The following PRSS12 variants were observed in gnomAD, a reference collection of about 807,000 sequenced individuals.
The protein encoded by PRSS12 is neurotrypsin.
A neutral mutation model predicts 104.4 loss-of-function variants in PRSS12; 85 were observed. The ratio of observed to expected loss-of-function variants is 0.81; its 90% CI spans 0.68 to 0.98. The LOEUF (loss-of-function observed/expected upper bound fraction) is 0.98, where lower values mean the gene tolerates loss of function less well. PRSS12 is among the 50% of genes least tolerant of loss of function. The pLI is 0.00. For synonymous variants in PRSS12, 454 were observed against 425.2 expected (o/e 1.07, Z -0.83); for missense variants, 1,141 against 1,139.2 (o/e 1.00, Z -0.02).
intron 5 of PRSS12, among the ~76,000 whole-genome samples, chr4:118,317,854 C>T (rs1044903774): frequency 2.6e-5 from 4 of 152,190 alleles, no homozygotes; most frequent in African/African-American, 9.7e-5. Context: ...AGTACATACA[C>T]GCACACCAGT....
intron 8 of PRSS12, chr4:118,305,866 CT>C (rs1743535989): frequency 6.6e-6 from 1 of 152,214 alleles, no homozygotes; most frequent in East Asian, 1.9e-4. Context: ...ATAAGTTTGA[CT>C]ATTTTCGATA....
chr4:118,323,066 G>T (rs1367760403), intron 4 of PRSS12, among the ~76,000 whole-genome samples: 1 of 152,018 alleles, frequency 6.6e-6, no homozygotes, highest in Non-Finnish European at 1.5e-5. Context: ...CAATGGCCCA[G>T]CTGGGTAGTT....
In PRSS12 at chr4:118,280,437, T is replaced by C. The variant is rs748542086; in HGVS notation, c.*1499A>G. 3 of 152,370 alleles carry C rather than the reference T, an allele frequency of 2.0e-5. No homozygotes were observed. The highest frequency in any genetic ancestry group is 2.9e-5 in the Non-Finnish European group (2 of 68,040). 9.4% of individuals were successfully genotyped at this position (152,370 alleles called of 1,614,324 possible). A position where few individuals can be genotyped will look rare whatever the true frequency, so the allele number is the denominator to read the frequency against. On this transcript the variant is annotated 3_prime_UTR_variant, in exon 13 of 13. Coordinates refer to ENST00000296498, the MANE Select transcript of PRSS12 (RefSeq NM_003619.4). The stretch of plus-strand genomic sequence containing the variant: ...ATGCTCTTCTGCATTATATGCAGCA[T>C]TGCAAATCTGCAAAGTAGTAAAACT...
intron 9 of PRSS12, among the ~76,000 whole-genome samples, chr4:118,297,671 G>T (rs1293330637): frequency 6.6e-6 from 1 of 152,016 alleles, no homozygotes; most frequent in Admixed American, 6.6e-5. Flanking sequence ...TTATTAAAAG[G>T]TGTTAGAAAA....
chr4:118,316,196 T>C lies in PRSS12; in HGVS notation c.1278A>G (p.Arg426=), dbSNP rs773851843. ...WTELNTYVVC[R]QLGFKYGKQA... ...ATGAACCTTACTTAAATCCCAATTGTCGACAAACCACGTATGTATTCAGCT... is the reference window on the plus strand; with the variant it reads ...ATGAACCTTACTTAAATCCCAATTGCCGACAAACCACGTATGTATTCAGCT... Residue 426 remains arginine, a synonymous_variant, in exon 6 of 13, where the codon CGA becomes CGG. Coordinates refer to ENST00000296498, the MANE Select transcript of PRSS12 (RefSeq NM_003619.4). 24 of 1,613,930 alleles carry C rather than the reference T, an allele frequency of 1.5e-5. No individual in the cohort carries two copies. The highest frequency in any genetic ancestry group is 1.4e-5 in the Non-Finnish European group (17 of 1,180,006).
chr4:118,309,147 C>T (rs1480148327), intron 7 of PRSS12, among the ~76,000 whole-genome samples: 1 of 151,744 alleles, frequency 6.6e-6, no homozygotes, highest in Non-Finnish European at 1.5e-5. Context: ...CTAAGGCTTT[C>T]TATTGATTTT....
chr4:118,307,851 G>A (rs1560772103), intron 8 of PRSS12, among the ~76,000 whole-genome samples: 1 of 151,910 alleles, frequency 6.6e-6, no homozygotes, highest in African/African-American at 2.4e-5. Context: ...CTATAAATGG[G>A]GGCCATTTTA....
chr4:118,290,686 G>A (rs558895590), intron 11 of PRSS12, among the ~76,000 whole-genome samples: 1 of 151,986 alleles, frequency 6.6e-6, no homozygotes, highest in Admixed American at 6.6e-5. Flanking sequence ...CGTAACCTGA[G>A]ACTCCAAGAG....
In PRSS12 at chr4:118,318,498, A is replaced by T. The variant is rs1242980525; in HGVS notation, c.1030T>A (p.Leu344Met). Residue 344 changes from leucine (L) to methionine (M), a missense_variant, in exon 5 of 13, where the codon TTG becomes ATG. Transcript: ENST00000296498. ...TTCCCAGTGCAGCGTACTTCATCCA[A>T]CATAACTGGGCCAGACCCTTCCCCA... is the stretch of plus-strand genomic sequence containing the variant. The part of the protein sequence containing the change: ...YFGEGSGPVM[L>M]DEVRCTGNEL... 1.2e-6 allele frequency: 2 copies of T among 1,614,142 alleles called. No homozygotes were observed. Among genetic ancestry groups the T allele is most frequent in the South Asian group, 2.2e-5 (2 of 91,072 alleles).
intron 6 of PRSS12, 139 bp from the exon 7 acceptor site, chr4:118,313,536 C>T (rs1233254055): frequency 1.7e-5 from 16 of 924,114 alleles, no homozygotes; most frequent in South Asian, 1.3e-4. Context: ...ACCTTGGGGA[C>T]GCAGTTTAGA....
chr4:118,337,585 A>G (rs1306786505), intron 2 of PRSS12, among the ~76,000 whole-genome samples: 2 of 152,108 alleles, frequency 1.3e-5, no homozygotes, highest in African/African-American at 4.8e-5. Flanking sequence ...CAGAGCTAAC[A>G]GAAGCTGCCA....
At chr4:118,350,780 A>C (rs191976324) in intron 1 of PRSS12, among the ~76,000 whole-genome samples, 1 of 152,280 alleles carries the variant, frequency 6.6e-6, no homozygotes, top group Admixed American at 6.5e-5. Context: ...TCATTTTTTA[A>C]CTTTAAATTA....
chr4:118,282,295 T>C (rs115945024), intron 12 of PRSS12, 52 bp from the exon 13 acceptor site: 1 of 1,600,374 alleles, frequency 6.2e-7, no homozygotes, highest in South Asian at 1.1e-5. Flanking sequence ...CATCGCAACA[T>C]TTAACAGTTA....
rs1257164961 is a variant in PRSS12 at position 118,352,363 on chromosome 4, C to A, written c.358G>T (p.Glu120Ter). 6.4e-7 allele frequency: 1 copy of A among 1,564,968 alleles called. No homozygotes were observed. The highest frequency in any genetic ancestry group is 8.6e-7 in the Non-Finnish European group (1 of 1,161,178). ...GCCCAGCTCGCTGGGGGCGACCGCT[C>A]CAGGAAGGGTGGCACCTCCGCCCAC... ...LRWAEVPPFL[E>*]RSPPASWAQL... is the part of the protein sequence containing the mutation. Residue 120 changes from glutamate (E) to a stop codon, truncating the protein, a stop_gained, in exon 1 of 13, where the codon GAG (glutamate) becomes TAG (stop). Coordinates refer to ENST00000296498, the MANE Select transcript of PRSS12 (RefSeq NM_003619.4). LOFTEE classifies it high-confidence loss of function.
At position 118,352,870 on chromosome 4, in the gene PRSS12, C is replaced by A; in HGVS notation, c.-150G>T. 10 of 1,431,818 alleles carry A rather than the reference C, an allele frequency of 7.0e-6. No individual in the cohort carries two copies. The highest frequency in any genetic ancestry group is 2.5e-4 in the Middle Eastern group (1 of 3,954). The allele number at this position is 1,431,818 out of a possible 1,614,324, so 88.7% of individuals were successfully genotyped here. A position where few individuals can be genotyped will look rare whatever the true frequency, so the allele number is the denominator to read the frequency against. Reference sequence around the variant, plus strand: ...CGCGGACCGCCCTCGCCTCCCCAACCTTGCCTCCCGCCGCTGGTGCCCTGC... The same window carrying A: ...CGCGGACCGCCCTCGCCTCCCCAACATTGCCTCCCGCCGCTGGTGCCCTGC... On this transcript the variant is annotated 5_prime_UTR_variant, in exon 1 of 13. In the 5' UTR this introduces an upstream ATG that the reference lacks. Coordinates refer to ENST00000296498, the MANE Select transcript of PRSS12 (RefSeq NM_003619.4).
At chr4:118,314,714 CATT>C (rs1414920022) in intron 6 of PRSS12, among the ~76,000 whole-genome samples, 2 of 152,014 alleles carry the variant, frequency 1.3e-5, no homozygotes, top group Non-Finnish European at 2.9e-5. Flanking sequence ...TTTTTACACA[CATT>C]ATTGAGAACA....
chr4:118,351,217 A>G, intron 1 of PRSS12, among the ~76,000 whole-genome samples: 1 of 152,204 alleles, frequency 6.6e-6, no homozygotes, highest in East Asian at 1.9e-4. Flanking sequence ...AAAAAGTACA[A>G]AGTACAATAT....
At chr4:118,330,856 A>T (rs1723900177) in intron 4 of PRSS12, among the ~76,000 whole-genome samples, 2 of 152,288 alleles carry the variant, frequency 1.3e-5, no homozygotes, top group African/African-American at 2.4e-5. Flanking sequence ...AATTATTTTT[A>T]AAAATTACAA....
intron 8 of PRSS12, among the ~76,000 whole-genome samples, chr4:118,306,339 T>C (rs1170574479): frequency 3.3e-5 from 5 of 152,206 alleles, no homozygotes; most frequent in South Asian, 2.1e-4. Context: ...CATTCTTCCA[T>C]TGCCATAAAG....
Sources: gnomAD v4.1 joint callset for allele counts (sites outside exome capture counted in the v4.1 genomes callset) on GRCh38, gnomAD v4.1.1 for gene constraint, MANE v1.5 for transcripts, NCBI Gene and HGNC (gene_info 2026-07-23, HGNC 2026-07-21) for gene names.